The following CRTC1 variants were observed in gnomAD, a reference collection of about 807,000 sequenced individuals.
The protein encoded by CRTC1 is CREB regulated transcription coactivator 1, also known as CREB-regulated transcription coactivator 1.
Under a neutral mutation model 66.1 loss-of-function variants are expected in CRTC1, and 18 were observed. The observed-to-expected ratio is 0.27, with a 90% CI of 0.19 to 0.40. CRTC1 has a LOEUF of 0.40. CRTC1 is among the 10% of genes least tolerant of loss of function. The pLI, the probability that CRTC1 is intolerant of heterozygous loss-of-function variation, is 1.00. For missense variants in CRTC1, 669 were observed against 887.9 expected (o/e 0.75, Z 3.13); for synonymous variants, 416 against 398.8 (o/e 1.04, Z -0.51).
chr19:18,735,616 G>A (rs1275854985), intron 1 of CRTC1: 1 of 152,278 alleles, frequency 6.6e-6, no homozygotes, highest in Non-Finnish European at 1.5e-5. Context: ...GAGCCCTTAG[G>A]GGAAGAGTCC....
In CRTC1 at chr19:18,741,135, T is replaced by C. The variant is rs149972336; in HGVS notation, c.127-1775T>C. On this transcript the variant is annotated intron_variant, in intron 1 of 13. Coordinates refer to ENST00000321949, the MANE Select transcript of CRTC1 (RefSeq NM_015321.3). This position sits in a 1 kb window ranked among gnomAD's most constrained non-coding sequence, Gnocchi z 4.2. ...CAAAGTGGACAGGAGCTGGGAATTG[T>C]GGGCAAGGTTTGGACAGAGATGGGG... Among the ~76,000 whole-genome samples the C allele has an allele frequency of 1.6e-3, 240 of 152,356 alleles. No homozygotes were observed. Among genetic ancestry groups the C allele is most frequent in the Admixed American group, 7.0e-3 (107 of 15,302 alleles).
At chr19:18,724,246 T>C (rs904641199) in intron 1 of CRTC1, among the ~76,000 whole-genome samples, 11 of 151,944 alleles carry the variant, frequency 7.2e-5, no homozygotes, top group Admixed American at 7.2e-4. Context: ...GGTGTGTGGG[T>C]GCGTGGGGTG....
intron 8 of CRTC1, 135 bp from the exon 9 acceptor site, chr19:18,765,269 C>A: frequency 7.6e-7 from 1 of 1,319,402 alleles, no homozygotes; most frequent in Non-Finnish European, 1.0e-6. Context: ...CCAGGTTTGG[C>A]AGTTGGGACA....
chr19:18,768,025 A>C lies in CRTC1; in HGVS notation c.1012-460A>C, dbSNP rs1757070265. 6.6e-6 allele frequency among the ~76,000 whole-genome samples: 1 copy of C among 152,070 alleles called. No individual in the cohort carries two copies. The highest frequency in any genetic ancestry group is 2.4e-5 in the African/African-American group (1 of 41,412). Reference sequence around the variant, plus strand: ...GCCCTTGGTGAGGGGCCATGCTGGTATCTCCAGCAACCCCAGCCTCTCCAG... The same window carrying C: ...GCCCTTGGTGAGGGGCCATGCTGGTCTCTCCAGCAACCCCAGCCTCTCCAG... On this transcript the variant is annotated intron_variant, in intron 9 of 13. Transcript: ENST00000321949. The surrounding 1 kb of genome is among the most constrained non-coding windows in gnomAD (Gnocchi z 5.6).
rs2055061070 is a variant in CRTC1 at position 18,779,419 on chromosome 19, C to T, written c.*2037C>T. ...GGTCTGTCCAGGTCAAGGTCCCTTT[C>T]TCTTACCATGACAGAGGCTGGGGGC... On this transcript the variant is annotated 3_prime_UTR_variant, in exon 14 of 14. Transcript: ENST00000321949. 1 of 224,306 alleles carries T rather than the reference C, an allele frequency of 4.5e-6. No individual in the cohort carries two copies. The highest frequency in any genetic ancestry group is 6.4e-5 in the East Asian group (1 of 15,566). The allele number at this position is 224,306 out of a possible 1,614,324, so 13.9% of individuals were successfully genotyped here. A position where few individuals can be genotyped will look rare whatever the true frequency, so the allele number is the denominator to read the frequency against.
At chr19:18,721,985 A>G (rs2053639014) in intron 1 of CRTC1, among the ~76,000 whole-genome samples, 1 of 152,132 alleles carries the variant, frequency 6.6e-6, no homozygotes, top group Non-Finnish European at 1.5e-5. Flanking sequence ...ACTTCACCCC[A>G]TGATCCAGCA....
chr19:18,766,124 C>CT (rs869180739), intron 9 of CRTC1, among the ~76,000 whole-genome samples: 670 of 139,092 alleles, frequency 4.8e-3, no homozygotes, highest in African/African-American at 0.013. Context: ...TTTTGTAATC[C>CT]TTTTTTTTTT....
chr19:18,737,083 C>G (rs1418545199), intron 1 of CRTC1, among the ~76,000 whole-genome samples: 3 of 152,176 alleles, frequency 2.0e-5, no homozygotes, highest in Non-Finnish European at 2.9e-5. Context: ...CTCCATCCAG[C>G]CCTGTGGACA....
At chr19:18,736,857 G>A (rs1007523938) in intron 1 of CRTC1, among the ~76,000 whole-genome samples, 2 of 152,194 alleles carry the variant, frequency 1.3e-5, no homozygotes, top group African/African-American at 2.4e-5. Flanking sequence ...AAGGTTGGCC[G>A]GTTGCCATGG....
intron 1 of CRTC1, among the ~76,000 whole-genome samples, chr19:18,692,364 C>A (rs1475553278): frequency 6.6e-6 from 1 of 152,160 alleles, no homozygotes; most frequent in Non-Finnish European, 1.5e-5. Flanking sequence ...TCACAAATTA[C>A]CACAAAGTGA....
In CRTC1 at chr19:18,768,864, C is replaced by T. The variant is rs1045522929; in HGVS notation, c.1320+71C>T. ...AGAGGACAGCCCGGGGGCTGCAGAACAGTCGGGTTACCTGCTGCATGGGCC... is the reference window on the plus strand; with the variant it reads ...AGAGGACAGCCCGGGGGCTGCAGAATAGTCGGGTTACCTGCTGCATGGGCC... On this transcript the variant is annotated intron_variant, in intron 10 of 13. Coordinates refer to ENST00000321949, the MANE Select transcript of CRTC1 (RefSeq NM_015321.3). The surrounding 1 kb of genome is among the most constrained non-coding windows in gnomAD (Gnocchi z 5.6). 9.3e-6 allele frequency: 14 copies of T among 1,498,032 alleles called. No homozygotes were observed. In the South Asian group the frequency reaches 1.3e-4, roughly 14 times the overall value. The allele number at this position is 1,498,032 out of a possible 1,614,324, so 92.8% of individuals were successfully genotyped here.
chr19:18,723,820 C>T (rs563152467), intron 1 of CRTC1, among the ~76,000 whole-genome samples: 29 of 152,200 alleles, frequency 1.9e-4, no homozygotes, highest in South Asian at 2.1e-4. Flanking sequence ...ACAGCCCCTG[C>T]GTCGACCCAC....
chr19:18,701,334 G>T (rs1374914257), intron 1 of CRTC1, among the ~76,000 whole-genome samples: 1 of 152,264 alleles, frequency 6.6e-6, no homozygotes, highest in African/African-American at 2.4e-5. Context: ...CCCCCTTGAG[G>T]AGTCGTCACA....
At chr19:18,732,325 T>C (rs2053908648) in intron 1 of CRTC1, among the ~76,000 whole-genome samples, 1 of 151,434 alleles carries the variant, frequency 6.6e-6, no homozygotes, top group Non-Finnish European at 1.5e-5. Flanking sequence ...AGAAGAGAGA[T>C]CTCTAAGCAC....
intron 6 of CRTC1, among the ~76,000 whole-genome samples, chr19:18,755,618 T>TC (rs2054466784): frequency 2.9e-5 from 4 of 135,652 alleles, no homozygotes; most frequent in African/African-American, 5.7e-5. Flanking sequence ...TTTTTTTTTT[T>TC]CTGAGATGGA....
At chr19:18,763,543 G>C (rs900428147) in intron 8 of CRTC1, among the ~76,000 whole-genome samples, 1 of 152,198 alleles carries the variant, frequency 6.6e-6, no homozygotes, top group Non-Finnish European at 1.5e-5. Flanking sequence ...TGAAATCGCC[G>C]GACAACGCGT....
chr19:18,756,678 G>T (rs1373202686), intron 6 of CRTC1, among the ~76,000 whole-genome samples: 1 of 152,014 alleles, frequency 6.6e-6, no homozygotes, highest in Non-Finnish European at 1.5e-5. Flanking sequence ...CAGAGAGGTG[G>T]GTAAGTAGGC....
intron 5 of CRTC1, among the ~76,000 whole-genome samples, chr19:18,750,472 C>T (rs1389865542): frequency 2.0e-5 from 3 of 152,182 alleles, no homozygotes; most frequent in Admixed American, 6.5e-5. Context: ...CAATTTGAAG[C>T]CGGGCGTGGA....
intron 7 of CRTC1, 75 bp from the exon 8 acceptor site, chr19:18,759,933 C>CCCGCCAGCCCCCGGTCCCCG: frequency 1.0e-6 from 1 of 991,360 alleles, no homozygotes; most frequent in Non-Finnish European, 1.4e-6. Flanking sequence ...CTGATTTTCT[C>CCCGCCAGCCCCCGGTCCCCG]CCGCCAGCCC....
Sources: gnomAD v4.1 joint callset for allele counts (sites outside exome capture counted in the v4.1 genomes callset) on GRCh38, gnomAD v4.1.1 for gene constraint, Gnocchi (gnomAD v3.1) non-coding constraint, MANE v1.5 for transcripts, NCBI Gene and HGNC (gene_info 2026-07-23, HGNC 2026-07-21) for gene names.